HEATR4: variants seen among roughly 807,000 people sequenced by gnomAD.
HEATR4 encodes the protein HEAT repeat containing 4, also known as HEAT repeat-containing protein 4.
A neutral mutation model predicts 108.8 loss-of-function variants in HEATR4; 95 were observed. The ratio of observed to expected loss-of-function variants is 0.87; its 90% CI spans 0.74 to 1.04. The LOEUF (loss-of-function observed/expected upper bound fraction) is 1.04, where lower values mean the gene tolerates loss of function less well. Among genes scored for constraint, HEATR4 ranks in the 50% least tolerant of loss-of-function variants. The probability of loss-of-function intolerance (pLI) is 0.00; values close to 1 mark genes in which losing one functional copy is unlikely to be tolerated. For synonymous variants in HEATR4, 443 were observed against 459.4 expected, an observed-to-expected ratio of 0.96 and a Z score of 0.46; for missense variants, 1,152 against 1,253.8, an observed-to-expected ratio of 0.92 and a Z score of 1.23.
rs1430691999 is a variant in HEATR4 at position 73,552,832 on chromosome 14, T to G, written c.-152+5919A>C. Among the ~76,000 whole-genome samples the G allele has an allele frequency of 1.9e-5, 2 of 105,584 alleles. 1 individual carries two copies. The highest frequency in any genetic ancestry group is 4.0e-5 in the Non-Finnish European group (2 of 50,488). The allele number at this position is 105,584 out of a possible 152,430, so 69.3% of individuals were successfully genotyped here. Reference sequence around the variant, plus strand: ...CCTCACCCAGACCCCCAACACCTCATGCCTGTCTTATGCCATGAGTCTGAG... The same window carrying G: ...CCTCACCCAGACCCCCAACACCTCAGGCCTGTCTTATGCCATGAGTCTGAG... On this transcript the variant is annotated intron_variant, in intron 1 of 17. Transcript: ENST00000553558.
chr14:73,593,786 A>G, the HEATR4 span: 1 of 1,614,056 alleles, frequency 6.2e-7, no homozygotes, highest in East Asian at 2.2e-5. Flanking sequence ...CTTGCTGGCC[A>G]TGGCTTTGCC....
At chr14:73,624,625 C>T in the HEATR4 span, among the ~76,000 whole-genome samples, 1 of 151,370 alleles carries the variant, frequency 6.6e-6, no homozygotes, top group Non-Finnish European at 1.5e-5. Context: ...ACAAAAAAAA[C>T]CCTCTTTTTA....
At chr14:73,587,467 C>T in the HEATR4 span, among the ~76,000 whole-genome samples, 2 of 152,112 alleles carry the variant, frequency 1.3e-5, no homozygotes, top group East Asian at 3.9e-4. Flanking sequence ...ATCCTCTTGC[C>T]TTAGTCTCCC....
Position 73,509,870 on chromosome 14 carries a change from T to TATA in HEATR4, c.1559-398_1559-397insTAT, listed in dbSNP as rs1887127494. On this transcript the variant is annotated intron_variant, in intron 7 of 17. Transcript: ENST00000553558. Reference sequence around the variant, plus strand: ...TATATATATATATATATATATATATTTATTTATTTTATATATTTTTTGAGA... The same window carrying TATA: ...TATATATATATATATATATATATATTATATATTTATTTTATATATTTTTTGAGA... 1.4e-4 allele frequency among the ~76,000 whole-genome samples: 9 copies of TATA among 65,120 alleles called. 1 individual carries two copies. The highest frequency in any genetic ancestry group is 2.6e-4 in the Non-Finnish European group (8 of 30,482). 42.7% of individuals were successfully genotyped at this position (65,120 alleles called of 152,430 possible).
upstream of HEATR4, among the ~76,000 whole-genome samples, chr14:73,560,222 G>C (rs189504164): frequency 8.0e-3 from 1,224 of 152,128 alleles, 7 homozygotes; most frequent in African/African-American, 0.027. Context: ...GTTGACCCAG[G>C]TCATGCTATT....
At chr14:73,483,421 G>A (rs923894170) in intron 17 of HEATR4, among the ~76,000 whole-genome samples, 9 of 152,080 alleles carry the variant, frequency 5.9e-5, no homozygotes, top group East Asian at 1.9e-4. Flanking sequence ...TCACAGGCAC[G>A]ATCATAGCTC....
In HEATR4 at chr14:73,495,336, C is replaced by G. The variant is rs1410337857; in HGVS notation, c.2677G>C (p.Glu893Gln). ...DLLTHKILKL[E>Q]MVMGKVREEA... ...TCCCTCACTTTTCCCATGACCATCTCCAGCTTGAGTATTTTGTGTGTCAGC... is the reference window on the plus strand; with the variant it reads ...TCCCTCACTTTTCCCATGACCATCTGCAGCTTGAGTATTTTGTGTGTCAGC... Residue 893 changes from glutamate (E) to glutamine (Q), a missense_variant, in exon 16 of 18, where the codon GAG becomes CAG. Physicochemically the swap from Glu to Gln is conservative, Grantham distance 29. Transcript: ENST00000553558. 1 of 1,613,936 alleles carries G rather than the reference C, an allele frequency of 6.2e-7. No individual in the cohort carries two copies. The highest frequency in any genetic ancestry group is 8.5e-7 in the Non-Finnish European group (1 of 1,179,880).
the HEATR4 span, chr14:73,592,552 A>G: frequency 9.9e-6 from 11 of 1,114,070 alleles, no homozygotes; most frequent in Non-Finnish European, 1.3e-5. Context: ...TGGCCACTCT[A>G]CCAAAATAGA....
chr14:73,546,311 A>T (rs116453267), intron 1 of HEATR4, among the ~76,000 whole-genome samples: 3,406 of 114,282 alleles, frequency 0.03, 672 homozygotes, highest in African/African-American at 0.09. Context: ...GAAAAATTTT[A>T]AAAAGCACCA....
chr14:73,533,634 G>A (rs1160885285), intron 1 of HEATR4, among the ~76,000 whole-genome samples: 4 of 114,588 alleles, frequency 3.5e-5, no homozygotes, highest in Admixed American at 3.0e-4. Context: ...AGCTGAGACC[G>A]CGCCACTGCA....
At chr14:73,479,697 T>C (rs1382489020) in intron 17 of HEATR4, among the ~76,000 whole-genome samples, 2 of 152,084 alleles carry the variant, frequency 1.3e-5, no homozygotes, top group Non-Finnish European at 2.9e-5. Flanking sequence ...CCCAAAGTGC[T>C]GGGATTACAG....
the HEATR4 span, chr14:73,574,391 C>G: frequency 5.0e-6 from 1 of 198,162 alleles, no homozygotes; most frequent in Non-Finnish European, 1.0e-5. Context: ...CAGCCTCCCA[C>G]GTAGCTGTGA....
the HEATR4 span, among the ~76,000 whole-genome samples, chr14:73,627,764 G>A: frequency 2.2e-5 from 3 of 139,200 alleles, no homozygotes; most frequent in Non-Finnish European, 3.2e-5. Flanking sequence ...TAACCCTAAC[G>A]CTTTCCCTCC....
chr14:73,499,487 C>CA (rs1182949368), intron 12 of HEATR4, among the ~76,000 whole-genome samples: 6 of 151,192 alleles, frequency 4.0e-5, no homozygotes, highest in East Asian at 1.9e-4. Flanking sequence ...CTCAAAAAAG[C>CA]AAAAAAACAA....
At chr14:73,602,798 T>C in the HEATR4 span, among the ~76,000 whole-genome samples, 1 of 152,198 alleles carries the variant, frequency 6.6e-6, no homozygotes. Context: ...TGACAATGCT[T>C]CCCATGTAAC....
At chr14:73,516,856 C>A (rs1887632450) in intron 5 of HEATR4, among the ~76,000 whole-genome samples, 1 of 152,172 alleles carries the variant, frequency 6.6e-6, no homozygotes, top group Admixed American at 6.5e-5. Context: ...GCCTGATGAT[C>A]TGAGGTGGAA....
intron 16 of HEATR4, among the ~76,000 whole-genome samples, chr14:73,494,614 G>C (rs1885987350): frequency 6.6e-6 from 1 of 152,120 alleles, no homozygotes; most frequent in Admixed American, 6.6e-5. Flanking sequence ...ACAGTGGTGA[G>C]ATATTGGGTT....
intron 7 of HEATR4, among the ~76,000 whole-genome samples, chr14:73,511,411 C>T (rs1170688504): frequency 1.3e-5 from 2 of 151,474 alleles, no homozygotes; most frequent in Non-Finnish European, 2.9e-5. Flanking sequence ...CCCAGCTACT[C>T]GGGAGACTAG....
intron 17 of HEATR4, among the ~76,000 whole-genome samples, chr14:73,479,867 GC>G (rs1287686967): frequency 6.6e-6 from 1 of 152,200 alleles, no homozygotes; most frequent in East Asian, 1.9e-4. Context: ...GAGCCACCAT[GC>G]CCAGAGATTA....
Sources: gnomAD v4.1 joint callset for allele counts (sites outside exome capture counted in the v4.1 genomes callset) on GRCh38, gnomAD v4.1.1 for gene constraint, MANE v1.5 for transcripts, NCBI Gene and HGNC (gene_info 2026-07-23, HGNC 2026-07-21) for gene names.